PCDH15: variants seen among roughly 807,000 people sequenced by gnomAD.
The protein encoded by PCDH15 is protocadherin-15.
A neutral mutation model predicts 178.5 loss-of-function variants in PCDH15; 129 were observed. The ratio of observed to expected loss-of-function variants is 0.72; its 90% confidence interval spans 0.63 to 0.84. The LOEUF (loss-of-function observed/expected upper bound fraction) is 0.84, where lower values mean the gene tolerates loss of function less well. Among genes scored for constraint, PCDH15 ranks in the 40% least tolerant of loss-of-function variants. The pLI is 0.00. For synonymous variants in PCDH15, 800 were observed against 732.0 expected, an observed-to-expected ratio of 1.09 and a Z score of -1.50; for missense variants, 2,230 against 2,099.9, an observed-to-expected ratio of 1.06 and a Z score of -1.21.
intron 1 of PCDH15, among the ~76,000 whole-genome samples, chr10:54,753,957 C>T (rs1466542355): frequency 2.7e-5 from 4 of 147,642 alleles, no homozygotes; most frequent in Middle Eastern, 3.4e-3. Context: ...GCAGTGGCGC[C>T]GCCACCACGG....
At chr10:55,575,960 T>A (rs564271322) in intron 2 of PCDH15, among the ~76,000 whole-genome samples, 1 of 152,270 alleles carries the variant, frequency 6.6e-6, no homozygotes, top group Non-Finnish European at 1.5e-5. Flanking sequence ...GAATGGGGCA[T>A]CCACGTGTGG....
intron 2 of PCDH15, among the ~76,000 whole-genome samples, chr10:55,528,694 C>T (rs552876424): frequency 3.9e-5 from 6 of 152,218 alleles, no homozygotes; most frequent in African/African-American, 1.4e-4. Context: ...CATACGTGTG[C>T]ATGTGTCTTT....
chr10:53,843,222 G>C (rs11812585), intron 28 of PCDH15, among the ~76,000 whole-genome samples: 28,463 of 151,982 alleles, frequency 0.19, 3,130 homozygotes, highest in Non-Finnish European at 0.26. Flanking sequence ...GATAAAAAGA[G>C]ATATAGCCTA....
intron 1 of PCDH15, among the ~76,000 whole-genome samples, chr10:55,232,026 T>C (rs1389170346): frequency 1.9e-4 from 29 of 152,148 alleles, no homozygotes. Context: ...TTAACAAATG[T>C]AGTTATATAA....
chr10:54,311,870 A>G (rs1161806779), intron 8 of PCDH15, among the ~76,000 whole-genome samples: 3 of 152,090 alleles, frequency 2.0e-5, no homozygotes, highest in African/African-American at 4.8e-5. Flanking sequence ...TTTTTATTAT[A>G]TCATAGTTCA....
chr10:55,029,518 G>A (rs1840558013), intron 2 of PCDH15, among the ~76,000 whole-genome samples: 1 of 151,862 alleles, frequency 6.6e-6, no homozygotes, highest in Admixed American at 6.6e-5. Flanking sequence ...AATGAATGCA[G>A]ATAAAACAAA....
chr10:54,798,415 G>A (rs1952282474), intron 1 of PCDH15, among the ~76,000 whole-genome samples: 1 of 152,008 alleles, frequency 6.6e-6, no homozygotes, highest in African/African-American at 2.4e-5. Context: ...AGTTTTAGTT[G>A]AGAGTAACAA....
At chr10:53,998,135 C>T (rs1344360598) in intron 20 of PCDH15, among the ~76,000 whole-genome samples, 1 of 152,144 alleles carries the variant, frequency 6.6e-6, no homozygotes, top group East Asian at 1.9e-4. Flanking sequence ...GCTCTTTTCT[C>T]TTGCCCATTA....
At chr10:54,346,519 A>G (rs1012217206) in intron 5 of PCDH15, 35 bp from the exon 6 acceptor site, 2 of 1,609,390 alleles carry the variant, frequency 1.2e-6, no homozygotes, top group Non-Finnish European at 1.7e-6. Context: ...ATCAATTTTC[A>G]TTTTATCAAC....
At chr10:54,587,779 A>C (rs1438512835) in intron 2 of PCDH15, among the ~76,000 whole-genome samples, 1 of 152,122 alleles carries the variant, frequency 6.6e-6, no homozygotes, top group Non-Finnish European at 1.5e-5. Context: ...TTAAGAGGGA[A>C]TTGGCCAGCA....
chr10:54,560,686 G>A (rs148735204), intron 2 of PCDH15, among the ~76,000 whole-genome samples: 268 of 152,078 alleles, frequency 1.8e-3, no homozygotes, highest in African/African-American at 5.2e-3. Context: ...AACTGCTTGC[G>A]TTATAGATTT....
chr10:54,737,853 T>C (rs1373036330), intron 1 of PCDH15, among the ~76,000 whole-genome samples: 1 of 152,130 alleles, frequency 6.6e-6, no homozygotes, highest in Admixed American at 6.6e-5. Context: ...TATTCGAGTT[T>C]AAATCCTAAT....
At chr10:54,201,050 C>T (rs1192845745) in intron 10 of PCDH15, among the ~76,000 whole-genome samples, 3 of 152,160 alleles carry the variant, frequency 2.0e-5, no homozygotes, top group Non-Finnish European at 4.4e-5. Flanking sequence ...CACGAACCTC[C>T]TCCACTCATG....
intron 2 of PCDH15, among the ~76,000 whole-genome samples, chr10:55,474,878 T>C (rs978723992): frequency 1.3e-5 from 2 of 152,168 alleles, no homozygotes; most frequent in Non-Finnish European, 2.9e-5. Flanking sequence ...CTCTCTACCA[T>C]GAATAAGCCC....
intron 32 of PCDH15, chr10:53,820,954 C>T (rs891204975): frequency 1.7e-4 from 61 of 354,988 alleles, no homozygotes; most frequent in Admixed American, 4.5e-4. Flanking sequence ...TTTTATATTT[C>T]ATTTATTAAA....
At chr10:54,965,560 T>C (rs954951308) in intron 2 of PCDH15, among the ~76,000 whole-genome samples, 4 of 151,472 alleles carry the variant, frequency 2.6e-5, no homozygotes, top group African/African-American at 9.7e-5. Context: ...TTCATAACAG[T>C]ATGAAAATGG....
At chr10:54,602,982 TTG>T (rs1179370827) in intron 2 of PCDH15, among the ~76,000 whole-genome samples, 1 of 151,988 alleles carries the variant, frequency 6.6e-6, no homozygotes, top group Non-Finnish European at 1.5e-5. Context: ...TGAAATGAGT[TTG>T]TAAGTGTTCC....
chr10:53,878,530 A>G (rs1316017080), intron 26 of PCDH15, among the ~76,000 whole-genome samples: 3 of 146,906 alleles, frequency 2.0e-5, no homozygotes, highest in Non-Finnish European at 4.5e-5. Context: ...GTGTATATAT[A>G]TATATATAAT....
chr10:55,407,113 G>C (rs940477193), intron 2 of PCDH15, among the ~76,000 whole-genome samples: 3 of 152,148 alleles, frequency 2.0e-5, no homozygotes, highest in African/African-American at 7.2e-5. Context: ...ACGTGTAGGA[G>C]AGAAAGAGTG....
Sources: allele counts gnomAD v4.1 joint callset (sites outside exome capture counted in the v4.1 genomes callset), GRCh38; gene constraint gnomAD v4.1.1; transcripts MANE v1.5; gene names NCBI Gene and HGNC (gene_info 2026-07-23, HGNC 2026-07-21).